NFS1: variants seen among roughly 807,000 people sequenced by gnomAD.
NFS1 encodes the protein NFS1 cysteine desulfurase, also known as cysteine desulfurase.
NFS1 carries 26 observed loss-of-function variants against 57.3 expected under a neutral mutation model. That is an observed-to-expected ratio of 0.45 (90% CI 0.33 to 0.63). NFS1 has a LOEUF of 0.63. NFS1 is among the 20% of genes least tolerant of loss of function. The probability of loss-of-function intolerance (pLI) is 0.02; values close to 1 mark genes in which losing one functional copy is unlikely to be tolerated. For synonymous variants in NFS1, 209 were observed against 216.3 expected (o/e 0.97, Z 0.30); for missense variants, 505 against 605.8 (o/e 0.83, Z 1.75).
intron 7 of NFS1, among the ~76,000 whole-genome samples, chr20:35,680,274 C>T (rs1160909777): frequency 1.3e-5 from 2 of 151,910 alleles, no homozygotes; most frequent in Non-Finnish European, 1.5e-5. Context: ...CACTGCACTC[C>T]AGCCTGGGCG....
In NFS1 at chr20:35,699,223, G is replaced by T; in HGVS notation, c.66C>A (p.Pro22=). The T allele has an allele frequency of 7.0e-7, 1 of 1,427,998 alleles. No homozygotes were observed. The highest frequency in any genetic ancestry group is 9.1e-7 in the Non-Finnish European group (1 of 1,099,792). The allele number at this position is 1,427,998 out of a possible 1,614,324, so 88.5% of individuals were successfully genotyped here. A position where few individuals can be genotyped will look rare whatever the true frequency, so the allele number is the denominator to read the frequency against. Residue 22 remains proline, a synonymous_variant, in exon 1 of 13, where the codon CCC becomes CCA. Coordinates refer to ENST00000374092, the MANE Select transcript of NFS1 (RefSeq NM_021100.5). This position sits in a 1 kb window ranked among gnomAD's most constrained non-coding sequence, Gnocchi z 4.4. ...VAVTAAPGPK[P]AAPTRGLRLR... is the part of the protein sequence containing the mutation. ...GGCGCAGCCCCCGAGTGGGCGCCGC[G>T]GGCTTCGGCCCTGGAGCCGCTGTCA...
rs962834416 is a variant in NFS1 at position 35,698,582 on chromosome 20, G to A, written c.106C>T (p.Arg36Cys). 1 of 1,599,348 alleles carries A rather than the reference G, an allele frequency of 6.3e-7. No individual in the cohort carries two copies. Among genetic ancestry groups the A allele is most frequent in the African/African-American group, 1.4e-5 (1 of 73,880 alleles). ...GCGGGAACCGCAGACTGAGGAGCACGGTCTCCAACTGATAAAAAATGGAAC... is the reference window on the plus strand; with the variant it reads ...GCGGGAACCGCAGACTGAGGAGCACAGTCTCCAACTGATAAAAAATGGAAC... Reference protein sequence around the residue: ...TRGLRLRVGDRAPQSAVPADT... With the variant: ...TRGLRLRVGDCAPQSAVPADT... The change falls in exon 2 of 13, where the codon CGT becomes TGT. Residue 36 changes from arginine to cysteine, a missense_variant. Physicochemically the swap from Arg to Cys is radical, Grantham distance 180. Coordinates refer to ENST00000374092, the MANE Select transcript of NFS1 (RefSeq NM_021100.5).
rs760067558 is a variant in NFS1, at chr20:35,698,587, C to T, written c.101G>A (p.Gly34Glu). The change falls in exon 2 of 13, where the codon GGA becomes GAA. Residue 34 changes from glycine (G) to glutamate (E), a missense_variant. Physicochemically the swap from Gly to Glu is moderately conservative, Grantham distance 98. Coordinates refer to ENST00000374092, the MANE Select transcript of NFS1 (RefSeq NM_021100.5). ...APTRGLRLRVGDRAPQSAVPA... is the reference protein window; with the variant it reads ...APTRGLRLRVEDRAPQSAVPA... Reference sequence around the variant, plus strand: ...AACCGCAGACTGAGGAGCACGGTCTCCAACTGATAAAAAATGGAACGGAGT... The same window carrying T: ...AACCGCAGACTGAGGAGCACGGTCTTCAACTGATAAAAAATGGAACGGAGT... 7 of 1,598,172 alleles carry T rather than the reference C, an allele frequency of 4.4e-6. No individual in the cohort carries two copies. Among genetic ancestry groups the T allele is most frequent in the Non-Finnish European group, 6.0e-6 (7 of 1,175,500 alleles).
In NFS1 at chr20:35,699,006, G is replaced by A; in HGVS notation, c.97+186C>T. ...TCTGGGGGCCTGTCGCGCAGGGTGC[G>A]AGGGGTGGTGCGCCGGGGTCAACCG... On this transcript the variant is annotated intron_variant, in intron 1 of 12. Transcript: ENST00000374092. The surrounding 1 kb of genome is among the most constrained non-coding windows in gnomAD (Gnocchi z 4.4). The A allele has an allele frequency of 1.5e-6, 2 of 1,328,148 alleles. No homozygotes were observed. The highest frequency in any genetic ancestry group is 3.8e-5 in the Admixed American group (1 of 26,514). The allele number at this position is 1,328,148 out of a possible 1,614,324, so 82.3% of individuals were successfully genotyped here. A position where few individuals can be genotyped will look rare whatever the true frequency, so the allele number is the denominator to read the frequency against.
chr20:35,697,558 T>C, intron 3 of NFS1, 126 bp downstream of exon 3: 1 of 614,334 alleles, frequency 1.6e-6, no homozygotes, highest in Non-Finnish European at 2.9e-6. Context: ...GGCTGCTCTT[T>C]GAATCTCTTC....
intron 5 of NFS1, among the ~76,000 whole-genome samples, chr20:35,684,668 T>C (rs1287526808): frequency 6.6e-6 from 1 of 151,264 alleles, no homozygotes; most frequent in Admixed American, 6.6e-5. Flanking sequence ...GAGAATCATT[T>C]GAACCCAGGT....
At chr20:35,672,676 T>C in intron 12 of NFS1, 79 bp downstream of exon 12, 1 of 1,008,112 alleles carries the variant, frequency 9.9e-7, no homozygotes, top group East Asian at 2.4e-5. Context: ...GTTTTGGCAG[T>C]GTAAACACAT....
intron 7 of NFS1, among the ~76,000 whole-genome samples, chr20:35,680,140 T>C (rs1381309777): frequency 1.3e-5 from 2 of 152,014 alleles, no homozygotes; most frequent in Admixed American, 6.6e-5. Flanking sequence ...CCGTCTCTAC[T>C]AAAAATACAA....
rs1346853111 is a variant in NFS1, at chr20:35,672,773, T to G, written c.1292A>C (p.Lys431Thr). The G allele has an allele frequency of 2.5e-6, 4 of 1,612,344 alleles. No individual in the cohort carries two copies. Among genetic ancestry groups the G allele is most frequent in the East Asian group, 4.5e-5 (2 of 44,864 alleles). The change falls in exon 12 of 13, where the codon AAG becomes ACG. Residue 431 changes from lysine to threonine, a missense_variant. Coordinates refer to ENST00000374092, the MANE Select transcript of NFS1 (RefSeq NM_021100.5). ...TGTATACCTCATTTCTCGAAGACGCTTCACATGCTGAATGCATTTCTCCAC... is the reference window on the plus strand; with the variant it reads ...TGTATACCTCATTTCTCGAAGACGCGTCACATGCTGAATGCATTTCTCCAC... ...YTVEKCIQHVKRLREMSPLWE... is the reference protein window; with the variant it reads ...YTVEKCIQHVTRLREMSPLWE...
At chr20:35,677,368 C>CAA (rs11482937) in intron 7 of NFS1, among the ~76,000 whole-genome samples, 1 of 144,380 alleles carries the variant, frequency 6.9e-6, no homozygotes, top group Non-Finnish European at 1.5e-5. Context: ...CCCGTGTCTA[C>CAA]AAAAAAAAAA....
At chr20:35,687,493 G>A (rs955573961) in intron 5 of NFS1, among the ~76,000 whole-genome samples, 23 of 152,080 alleles carry the variant, frequency 1.5e-4, no homozygotes, top group African/African-American at 3.1e-4. Context: ...CGTGACCCAC[G>A]TGACCTTACC....
intron 10 of NFS1, 81 bp from the exon 11 acceptor site, chr20:35,673,765 C>T: frequency 8.8e-7 from 1 of 1,142,156 alleles, no homozygotes. Context: ...TGTTCCCATC[C>T]CCCAGGGCCC....
intron 4 of NFS1, among the ~76,000 whole-genome samples, chr20:35,693,534 A>G (rs191584052): frequency 4.3e-4 from 65 of 152,312 alleles, no homozygotes; most frequent in Non-Finnish European, 8.5e-4. Context: ...TACCTTTAAC[A>G]GCAGAATAAA....
In NFS1 at chr20:35,680,745, C is replaced by A; in HGVS notation, c.782G>T (p.Gly261Val). Residue 261 changes from glycine to valine, a missense_variant, in exon 7 of 13, where the codon GGT (glycine) becomes GTT (valine). Physicochemically the swap from Gly to Val is moderately radical, Grantham distance 109. Coordinates refer to ENST00000374092, the MANE Select transcript of NFS1 (RefSeq NM_021100.5). ...CTAGAAGGGGCTGGTACCTTTGGGA[C>A]CGTAGATTTTGTGACCACTAATGCT... ...LMSISGHKIY[G>V]PKGVGAIYIR... is the part of the protein sequence containing the mutation. The A allele has an allele frequency of 6.5e-7, 1 of 1,550,322 alleles. No homozygotes were observed. The highest frequency in any genetic ancestry group is 8.7e-7 in the Non-Finnish European group (1 of 1,149,872).
In NFS1 at chr20:35,690,363, T is replaced by G. The variant is rs1364291923; in HGVS notation, c.561+50A>C. The G allele has an allele frequency of 2.5e-6, 4 of 1,582,192 alleles. 1 individual carries two copies. In the South Asian group the frequency reaches 4.6e-5, roughly 18 times the overall value. On this transcript the variant is annotated intron_variant, in intron 5 of 12. Transcript: ENST00000374092. ...GGGCCCAAGAGAGAAATTTACAAGC[T>G]GAAGCCAGGCTCCTCCATTTTTGCT...
intron 6 of NFS1, among the ~76,000 whole-genome samples, chr20:35,681,473 G>A (rs752420384): frequency 2.6e-5 from 4 of 152,166 alleles, no homozygotes; most frequent in Non-Finnish European, 4.4e-5. Flanking sequence ...CAAGGCAGAC[G>A]GATCACCTGA....
intron 8 of NFS1, 104 bp downstream of exon 8, chr20:35,674,940 GC>G: frequency 6.8e-7 from 1 of 1,476,306 alleles, no homozygotes; most frequent in Non-Finnish European, 9.4e-7. Flanking sequence ...GTTTTCTTAA[GC>G]CCTCTCTCCC....
chr20:35,694,668 T>A (rs539296474), intron 4 of NFS1: 12 of 152,026 alleles, frequency 7.9e-5, no homozygotes, highest in African/African-American at 2.9e-4. Context: ...GGAGGGCGGA[T>A]CACGAGGTCA....
At position 35,681,823 on chromosome 20, in the gene NFS1, T is replaced by C. The variant is rs1322360886; in HGVS notation, c.655+65A>G. The stretch of plus-strand genomic sequence containing the variant: ...TACACTCCATAGAGTATTACAGCTC[T>C]CAGTATACTACCTCATACAGAGCCC... On this transcript the variant is annotated intron_variant, in intron 6 of 12. Transcript: ENST00000374092. The C allele has an allele frequency of 4.5e-6, 4 of 887,788 alleles. No individual in the cohort carries two copies. In the East Asian group the frequency reaches 9.8e-5, roughly 22 times the overall value. The allele number at this position is 887,788 out of a possible 1,614,324, so 55.0% of individuals were successfully genotyped here. A position where few individuals can be genotyped will look rare whatever the true frequency, so the allele number is the denominator to read the frequency against.
Sources: gnomAD v4.1 joint callset for allele counts (sites outside exome capture counted in the v4.1 genomes callset) on GRCh38, gnomAD v4.1.1 for gene constraint, Gnocchi (gnomAD v3.1) non-coding constraint, MANE v1.5 for transcripts, NCBI Gene and HGNC (gene_info 2026-07-23, HGNC 2026-07-21) for gene names.